MTFR1: variants seen among roughly 807,000 people sequenced by gnomAD.
MTFR1 encodes the protein mitochondrial fission regulator 1, also known as chondrocyte protein with a poly-proline region.
A neutral mutation model predicts 38.8 loss-of-function variants in MTFR1; 28 were observed. The observed-to-expected ratio is 0.72, with a 90% CI of 0.53 to 0.99. MTFR1 has a LOEUF of 0.99. MTFR1 is among the 50% of genes least tolerant of loss of function. The pLI is 0.00. For synonymous variants in MTFR1, 145 were observed against 137.0 expected (o/e 1.06, Z -0.41); for missense variants, 358 against 395.5 (o/e 0.91, Z 0.81).
chr8:65,713,781 T>C (rs1341022291), downstream of MTFR1, among the ~76,000 whole-genome samples: 12 of 152,178 alleles, frequency 7.9e-5, no homozygotes, highest in Admixed American at 7.9e-4. Flanking sequence ...CCTCTTGGGT[T>C]CAAGTGATTC....
At chr8:65,645,053 C>T (rs934044838) in intron 1 of MTFR1, among the ~76,000 whole-genome samples, 2 of 152,190 alleles carry the variant, frequency 1.3e-5, no homozygotes, top group East Asian at 3.9e-4. Flanking sequence ...GGCTGAGACT[C>T]GCCCACCCGC....
intron 3 of MTFR1, among the ~76,000 whole-genome samples, chr8:65,754,116 G>C (rs1808101604): frequency 6.6e-6 from 1 of 152,114 alleles, no homozygotes; most frequent in Admixed American, 6.5e-5. Flanking sequence ...TGAAGAACTT[G>C]GGAGTCTGAT....
At chr8:65,759,673 C>G (rs942128797) in intron 3 of MTFR1, among the ~76,000 whole-genome samples, 3 of 152,158 alleles carry the variant, frequency 2.0e-5, no homozygotes, top group African/African-American at 7.2e-5. Flanking sequence ...GAGGTTCTTA[C>G]TCTGTCATTT....
intron 3 of MTFR1, among the ~76,000 whole-genome samples, chr8:65,755,862 A>T (rs1808214797): frequency 6.6e-6 from 1 of 152,118 alleles, no homozygotes; most frequent in Non-Finnish European, 1.5e-5. Context: ...AGCTCAAGAG[A>T]TCTTCTTGCC....
At chr8:65,751,495 G>A (rs1417647238) in intron 3 of MTFR1, among the ~76,000 whole-genome samples, 2 of 149,328 alleles carry the variant, frequency 1.3e-5, no homozygotes, top group Non-Finnish European at 3.0e-5. Context: ...TTCTTTTCTC[G>A]AGTTTCATCT....
At position 65,717,564 on chromosome 8, in the gene MTFR1, A is replaced by C. The variant is rs534811909; in HGVS notation, c.382-1816A>C. On this transcript the variant is annotated intron_variant, in intron 2 of 3. Coordinates refer to the MTFR1 transcript ENST00000521247. ...GTGAGTCATTAGTAGATAAGCTCGG[A>C]CTGAGTAAACATCTGAGGGATGAAT... The C allele has an allele frequency of 5.3e-5, 8 of 152,356 alleles. No homozygotes were observed. In the South Asian group the frequency reaches 1.2e-3, roughly 24 times the overall value. 9.4% of individuals were successfully genotyped at this position (152,356 alleles called of 1,614,324 possible).
intron 1 of MTFR1, among the ~76,000 whole-genome samples, chr8:65,663,131 C>T (rs1178516480): frequency 6.6e-6 from 1 of 152,094 alleles, no homozygotes; most frequent in South Asian, 2.1e-4. Context: ...GGATGGTTGC[C>T]GTGTCTGTGT....
intron 3 of MTFR1, chr8:65,722,723 A>T (rs996843761): frequency 6.6e-6 from 1 of 152,230 alleles, no homozygotes; most frequent in African/African-American, 2.4e-5. Flanking sequence ...TAATACAGTT[A>T]TTAGTTCACT....
rs375889416 is a variant in MTFR1, at chr8:65,732,680, A to C, written c.*48+13199A>C. Among the ~76,000 whole-genome samples, 3 of 152,056 alleles carry C rather than the reference A, an allele frequency of 2.0e-5. No homozygotes were observed. The East Asian group carries it at 5.8e-4, about 29-fold the overall frequency. On this transcript the variant is annotated intron_variant, in intron 3 of 3. Coordinates refer to the MTFR1 transcript ENST00000521247. ...AGGTACACACCACCATGCCCATCTA[A>C]CTTTTTATTTTTTGTAGAGATGGGA...
At chr8:65,694,601 T>C (rs183196270) in intron 4 of MTFR1, among the ~76,000 whole-genome samples, 20 of 152,320 alleles carry the variant, frequency 1.3e-4, no homozygotes, top group Admixed American at 7.2e-4. Flanking sequence ...AATGGTCTCA[T>C]TGGGGCAAAG....
At chr8:65,740,440 A>T (rs1397350788) in intron 3 of MTFR1, among the ~76,000 whole-genome samples, 4 of 151,876 alleles carry the variant, frequency 2.6e-5, no homozygotes, top group African/African-American at 9.7e-5. Flanking sequence ...CAGCACTGTC[A>T]CCTGGGCTGG....
In MTFR1 at chr8:65,649,869, C is replaced by T. The variant is rs563771788; in HGVS notation, c.-81+5085C>T. On this transcript the variant is annotated intron_variant, in intron 1 of 7. Transcript: ENST00000262146. ...TTGTTTTGTTTTTGAGATGGAGTCT[C>T]GCTCTGTCACCAAGGCTGCAGTGCA... Among the ~76,000 whole-genome samples the T allele has an allele frequency of 2.7e-5, 4 of 149,858 alleles. No homozygotes were observed. In the South Asian group the frequency reaches 6.3e-4, roughly 24 times the overall value.
chr8:65,716,586 A>T (rs1806153280), intron 2 of MTFR1, among the ~76,000 whole-genome samples: 1 of 152,234 alleles, frequency 6.6e-6, no homozygotes, highest in Admixed American at 6.5e-5. Flanking sequence ...TCCCTTGCTC[A>T]GAATCCATGC....
At chr8:65,723,461 T>G (rs145764610) in intron 3 of MTFR1, 2,840 of 1,242,554 alleles carry the variant, frequency 2.3e-3, no homozygotes, top group Non-Finnish European at 2.8e-3. Context: ...TTTTAATATT[T>G]TATATTTCAA....
chr8:65,741,138 T>C (rs1357227280), intron 3 of MTFR1, among the ~76,000 whole-genome samples: 1 of 152,194 alleles, frequency 6.6e-6, no homozygotes, highest in Non-Finnish European at 1.5e-5. Context: ...TTTGTAAACT[T>C]CCATAGGACA....
intron 1 of MTFR1, among the ~76,000 whole-genome samples, chr8:65,654,007 G>A (rs576107082): frequency 5.3e-5 from 8 of 149,848 alleles, no homozygotes; most frequent in Non-Finnish European, 1.0e-4. Flanking sequence ...GGGCTGCAGT[G>A]AGCTCTGATG....
At chr8:65,664,031 G>T (rs1288920256) in intron 1 of MTFR1, among the ~76,000 whole-genome samples, 1 of 151,854 alleles carries the variant, frequency 6.6e-6, no homozygotes, top group African/African-American at 2.4e-5. Flanking sequence ...GGCCAGGCTG[G>T]TCTCGAACTC....
chr8:65,645,476 C>T (rs1243112984), intron 1 of MTFR1, among the ~76,000 whole-genome samples: 1 of 152,246 alleles, frequency 6.6e-6, no homozygotes, highest in Non-Finnish European at 1.5e-5. Flanking sequence ...TCACTGTACT[C>T]ATTACCCAGT....
intron 1 of MTFR1, among the ~76,000 whole-genome samples, chr8:65,665,512 T>G (rs1289143832): frequency 6.6e-6 from 1 of 152,236 alleles, no homozygotes; most frequent in East Asian, 1.9e-4. Context: ...TAGATACACT[T>G]CTGTCATCTT....
Sources: allele counts gnomAD v4.1 joint callset (sites outside exome capture counted in the v4.1 genomes callset), GRCh38; gene constraint gnomAD v4.1.1; transcripts MANE v1.5; gene names NCBI Gene and HGNC (gene_info 2026-07-23, HGNC 2026-07-21).